TTLL11: variants seen among roughly 807,000 people sequenced by gnomAD.
TTLL11 encodes tubulin polyglutamylase TTLL11.
Under a neutral mutation model 51.7 loss-of-function variants are expected in TTLL11, and 42 were observed. That is an observed-to-expected ratio of 0.81 (90% confidence interval 0.64 to 1.05). The LOEUF (loss-of-function observed/expected upper bound fraction) is 1.05, where lower values mean the gene tolerates loss of function less well. Among genes scored for constraint, TTLL11 ranks in the 50% least tolerant of loss-of-function variants. The pLI is 0.00. For synonymous variants in TTLL11, 381 were observed against 383.5 expected (o/e 0.99, Z 0.08); for missense variants, 799 against 940.4 (o/e 0.85, Z 1.97).
rs977813744 is a variant in TTLL11 at position 121,815,998 on chromosome 9, G to C, written c.*6589C>G. The stretch of plus-strand genomic sequence containing the variant: ...GCACGTCGAGACCCTTCCTTTTCTC[G>C]ACAGACATGTATTAAGACACTTCCC... On this transcript the variant is annotated 3_prime_UTR_variant, in exon 9 of 9. Transcript: ENST00000321582. 2 of 152,098 alleles carry C rather than the reference G, an allele frequency of 1.3e-5. No individual in the cohort carries two copies. The highest frequency in any genetic ancestry group is 4.8e-5 in the African/African-American group (2 of 41,402). 9.4% of individuals were successfully genotyped at this position (152,098 alleles called of 1,614,324 possible).
At chr9:122,015,663 C>T (rs1004454843) in intron 3 of TTLL11, among the ~76,000 whole-genome samples, 5 of 151,948 alleles carry the variant, frequency 3.3e-5, no homozygotes, top group African/African-American at 1.2e-4. Context: ...TGGTGGCCAC[C>T]TGGCGCTCCC....
In TTLL11 at chr9:122,044,998, C is replaced by T. The variant is rs1256990848; in HGVS notation, c.463-5630G>A. On this transcript the variant is annotated intron_variant, in intron 1 of 8. Transcript: ENST00000321582. ...TGGCATGCCTGTAGTCCCAACTACT[C>T]GGGAAGCTGAAGCAGGAGGATTGCT... Among the ~76,000 whole-genome samples the T allele has an allele frequency of 2.6e-5, 4 of 151,714 alleles. No homozygotes were observed. In the East Asian group the frequency reaches 5.8e-4, roughly 22 times the overall value.
chr9:121,974,953 C>T lies in TTLL11; in HGVS notation c.1296G>A (p.Met432Ile). 1 of 1,536,768 alleles carries T rather than the reference C, an allele frequency of 6.5e-7. No individual in the cohort carries two copies. The highest frequency in any genetic ancestry group is 1.3e-5 in the South Asian group (1 of 79,960). The change falls in exon 5 of 9, where the codon ATG becomes ATA. Residue 432 changes from methionine (M) to isoleucine (I), a missense_variant. Transcript: ENST00000321582. ...FQILGFDILL[M>I]KNLKPILLEV... ...CAAGTAGTATAGGCTTCAGATTTTT[C>T]ATTAGAAGAATGTCAAAGCCTAAAA...
At chr9:121,862,374 A>G (rs115573917) in intron 7 of TTLL11, among the ~76,000 whole-genome samples, 3,108 of 152,246 alleles carry the variant, frequency 0.02, 96 homozygotes, top group African/African-American at 0.069. Flanking sequence ...ACCTGCCCAC[A>G]TGGTTGTGAG....
chr9:122,089,913 C>T (rs760712499), intron 1 of TTLL11, among the ~76,000 whole-genome samples: 6 of 152,146 alleles, frequency 3.9e-5, no homozygotes, highest in Admixed American at 2.6e-4. Flanking sequence ...CTCAGCCTCC[C>T]AAGTAGGTGG....
chr9:121,957,398 C>T (rs541124647), intron 6 of TTLL11, among the ~76,000 whole-genome samples: 4 of 152,328 alleles, frequency 2.6e-5, no homozygotes, highest in Non-Finnish European at 5.9e-5. Flanking sequence ...CCTCTTTCCT[C>T]CTCTGCTTCC....
chr9:121,897,618 G>GCACACACACA lies in TTLL11; in HGVS notation c.1482-26880_1482-26871dup, dbSNP rs745877337. 2.1e-3 allele frequency among the ~76,000 whole-genome samples: 286 copies of GCACACACACA among 137,010 alleles called. 2 individuals are homozygous for GCACACACACA. The highest frequency in any genetic ancestry group is 7.5e-3 in the African/African-American group (273 of 36,640). The allele number at this position is 137,010 out of a possible 152,430, so 89.9% of individuals were successfully genotyped here. A position where few individuals can be genotyped will look rare whatever the true frequency, so the allele number is the denominator to read the frequency against. ...CACCTTCCCAGGCATTTCCCTCCAG[G>GCACACACACA]CACACACACACACACACACACACGC... On this transcript the variant is annotated intron_variant, in intron 6 of 8. Transcript: ENST00000321582.
At chr9:122,029,993 G>A (rs919619918) in intron 3 of TTLL11, among the ~76,000 whole-genome samples, 23 of 152,098 alleles carry the variant, frequency 1.5e-4, no homozygotes, top group African/African-American at 4.3e-4. Flanking sequence ...AGGCTATACC[G>A]TATAGCCTGG....
intron 3 of TTLL11, among the ~76,000 whole-genome samples, chr9:122,023,089 T>C (rs1844224975): frequency 6.6e-6 from 1 of 151,142 alleles, no homozygotes; most frequent in Admixed American, 6.6e-5. Flanking sequence ...AAAAGAAAAA[T>C]AAAAAACACA....
intron 6 of TTLL11, among the ~76,000 whole-genome samples, chr9:121,950,095 C>T (rs1007493463): frequency 1.4e-4 from 21 of 152,134 alleles, no homozygotes; most frequent in African/African-American, 3.1e-4. Flanking sequence ...CATCAGGTCA[C>T]GTTCTTGCTC....
At chr9:121,848,357 C>A (rs371856942) in intron 8 of TTLL11, among the ~76,000 whole-genome samples, 1 of 135,444 alleles carries the variant, frequency 7.4e-6, no homozygotes, top group Non-Finnish European at 1.6e-5. Context: ...AAGAAAAAGT[C>A]CCCCCCCTTA....
chr9:121,949,046 T>A (rs547404194), intron 6 of TTLL11, among the ~76,000 whole-genome samples: 11 of 152,214 alleles, frequency 7.2e-5, no homozygotes, highest in Admixed American at 4.6e-4. Context: ...TCACACAATG[T>A]TTGTGTCACC....
At chr9:121,920,262 G>A (rs559055105) in intron 6 of TTLL11, among the ~76,000 whole-genome samples, 5 of 152,264 alleles carry the variant, frequency 3.3e-5, no homozygotes, top group Admixed American at 6.5e-5. Flanking sequence ...AAGATTGCAC[G>A]ACTGCACTCC....
At chr9:121,904,976 C>T (rs1839890890) in intron 6 of TTLL11, among the ~76,000 whole-genome samples, 1 of 152,222 alleles carries the variant, frequency 6.6e-6, no homozygotes, top group Non-Finnish European at 1.5e-5. Context: ...TGGACACAAA[C>T]AAATCCAAGT....
chr9:122,055,285 C>G (rs1845265733), intron 1 of TTLL11, among the ~76,000 whole-genome samples: 1 of 151,974 alleles, frequency 6.6e-6, no homozygotes, highest in Admixed American at 6.6e-5. Context: ...ATCACAAGGT[C>G]CCACAATAGT....
chr9:121,862,900 G>C (rs1838057128), intron 7 of TTLL11, among the ~76,000 whole-genome samples: 1 of 152,260 alleles, frequency 6.6e-6, no homozygotes, highest in East Asian at 1.9e-4. Flanking sequence ...GGGTTGATTG[G>C]CAAGCAGGGT....
At chr9:121,860,314 T>C in intron 8 of TTLL11, 23 bp downstream of exon 8, 3 of 1,539,696 alleles carry the variant, frequency 1.9e-6, no homozygotes, top group African/African-American at 1.4e-5. Flanking sequence ...CCACAGGCCA[T>C]GGCAGAGGCA....
intron 7 of TTLL11, among the ~76,000 whole-genome samples, chr9:121,863,948 C>G (rs1346698075): frequency 6.6e-6 from 1 of 152,138 alleles, no homozygotes; most frequent in Non-Finnish European, 1.5e-5. Flanking sequence ...ATTCAGGAAT[C>G]AAGAAACCAG....
chr9:122,012,376 G>A (rs1001292410), intron 3 of TTLL11, among the ~76,000 whole-genome samples: 6 of 151,820 alleles, frequency 4.0e-5, no homozygotes, highest in Non-Finnish European at 5.9e-5. Flanking sequence ...AAAATAGACT[G>A]TCCCAGAAAA....
Sources: allele counts gnomAD v4.1 joint callset (sites outside exome capture counted in the v4.1 genomes callset), GRCh38; gene constraint gnomAD v4.1.1; transcripts MANE v1.5; gene names NCBI Gene and HGNC (gene_info 2026-07-23, HGNC 2026-07-21).